Variants in OSBPL3 observed in about 807,000 individuals in gnomAD.
OSBPL3 encodes the protein oxysterol-binding protein-related protein 3.
OSBPL3 carries 65 observed loss-of-function variants against 120.1 expected under a neutral mutation model. That is an observed-to-expected ratio of 0.54 (90% CI 0.44 to 0.67). The LOEUF is 0.67. OSBPL3 is among the 30% of genes least tolerant of loss of function. OSBPL3 has a pLI of 0.00. For synonymous variants in OSBPL3, 416 were observed against 402.6 expected (o/e 1.03, Z -0.40); for missense variants, 1,004 against 1,082.1 (o/e 0.93, Z 1.01).
chr7:24,911,926 G>C (rs2128420067), intron 1 of OSBPL3, among the ~76,000 whole-genome samples: 1 of 152,298 alleles, frequency 6.6e-6, no homozygotes, highest in South Asian at 2.1e-4. Context: ...AGAGCTAAAA[G>C]GCAAGAAAAA....
intron 2 of OSBPL3, among the ~76,000 whole-genome samples, chr7:24,882,680 T>A (rs1402048110): frequency 5.3e-5 from 8 of 152,260 alleles, no homozygotes; most frequent in African/African-American, 1.9e-4. Context: ...GAGGCTGTAC[T>A]AATTTACATT....
chr7:24,814,231 T>TGGGGAAAAAGAGG, intron 19 of OSBPL3, among the ~76,000 whole-genome samples: 1 of 151,102 alleles, frequency 6.6e-6, no homozygotes, highest in Admixed American at 6.6e-5. Context: ...CAGAGGACAG[T>TGGGGAAAAAGAGG]GGGGAAAAAG....
intron 1 of OSBPL3, among the ~76,000 whole-genome samples, chr7:24,909,483 C>T (rs1010218119): frequency 1.3e-5 from 2 of 152,122 alleles, no homozygotes; most frequent in Non-Finnish European, 2.9e-5. Context: ...TGTCACCATG[C>T]CAGCCAAGGA....
rs1426813503 is a variant in OSBPL3 at position 24,936,446 on chromosome 7, A to T, written c.-150+43440T>A. On this transcript the variant is annotated intron_variant, in intron 1 of 22. Coordinates refer to ENST00000313367, the MANE Select transcript of OSBPL3 (RefSeq NM_015550.4). The surrounding 1 kb of genome is among the most constrained non-coding windows in gnomAD (Gnocchi z 4.2). ...TTAACAAGGTCAAAACTGCAATGCA[A>T]TACAATGGGCCAAGTTCTTAACACC... Among the ~76,000 whole-genome samples the T allele has an allele frequency of 6.6e-6, 1 of 152,250 alleles. No individual in the cohort carries two copies. The highest frequency in any genetic ancestry group is 1.5e-5 in the Non-Finnish European group (1 of 68,048).
At chr7:24,961,328 T>A (rs942605880) in intron 1 of OSBPL3, among the ~76,000 whole-genome samples, 2 of 152,180 alleles carry the variant, frequency 1.3e-5, no homozygotes, top group Non-Finnish European at 2.9e-5. Flanking sequence ...AGGCTCACCA[T>A]GATCTAGCCA....
At chr7:24,954,701 T>C (rs925038652) in intron 1 of OSBPL3, among the ~76,000 whole-genome samples, 23 of 152,190 alleles carry the variant, frequency 1.5e-4, no homozygotes, top group African/African-American at 4.8e-4. Flanking sequence ...GAATTAAAGA[T>C]GTGGACCCTA....
intron 12 of OSBPL3, among the ~76,000 whole-genome samples, chr7:24,847,207 A>G (rs1237775578): frequency 6.6e-6 from 1 of 152,110 alleles, no homozygotes; most frequent in Admixed American, 6.6e-5. Flanking sequence ...GGAGTTACCG[A>G]AAAAAAATTA....
rs1376690635 is a variant in OSBPL3, at chr7:24,953,314, C to G, written c.-150+26572G>C. Reference sequence around the variant, plus strand: ...TGCCAAGGAGTAAGCCCCATCTTTCCTAACCAAGCAACTCTTCCCTGGGGT... The same window carrying G: ...TGCCAAGGAGTAAGCCCCATCTTTCGTAACCAAGCAACTCTTCCCTGGGGT... On this transcript the variant is annotated intron_variant, in intron 1 of 22. Transcript: ENST00000313367. This position sits in a 1 kb window ranked among gnomAD's most constrained non-coding sequence, Gnocchi z 4.3. Among the ~76,000 whole-genome samples the G allele has an allele frequency of 6.6e-6, 1 of 152,116 alleles. No individual in the cohort carries two copies. The highest frequency in any genetic ancestry group is 1.5e-5 in the Non-Finnish European group (1 of 68,022).
At chr7:24,869,909 T>C (rs1027640406) in intron 5 of OSBPL3, among the ~76,000 whole-genome samples, 2 of 152,166 alleles carry the variant, frequency 1.3e-5, no homozygotes, top group Non-Finnish European at 2.9e-5. Flanking sequence ...CTCAAGTAAT[T>C]TGCCCAAGTA....
At chr7:24,832,529 A>AAG (rs1796521722) in intron 15 of OSBPL3, among the ~76,000 whole-genome samples, 3 of 150,948 alleles carry the variant, frequency 2.0e-5, no homozygotes, top group African/African-American at 4.9e-5. Context: ...AAAAAAAAAA[A>AAG]AAGAAGAAGA....
rs779015532 is a variant in OSBPL3, at chr7:24,938,783, G to GTGTGTCTC, written c.-150+41102_-150+41103insGAGACACA. On this transcript the variant is annotated intron_variant, in intron 1 of 22. Coordinates refer to ENST00000313367, the MANE Select transcript of OSBPL3 (RefSeq NM_015550.4). This position sits in a 1 kb window ranked among gnomAD's most constrained non-coding sequence, Gnocchi z 5.8. The stretch of plus-strand genomic sequence containing the variant: ...GAATAATGAGGTTTTGTTTTGATGT[G>GTGTGTCTC]TGTGTGTGTGTGTGTGTGTGTGTGT... Among the ~76,000 whole-genome samples, 2 of 79,750 alleles carry GTGTGTCTC rather than the reference G, an allele frequency of 2.5e-5. No homozygotes were observed. Among genetic ancestry groups the GTGTGTCTC allele is most frequent in the African/African-American group, 8.9e-5 (2 of 22,460 alleles). The allele number at this position is 79,750 out of a possible 152,430, so 52.3% of individuals were successfully genotyped here.
chr7:24,941,528 T>C lies in OSBPL3; in HGVS notation c.-150+38358A>G, dbSNP rs145253555. 2.8e-4 allele frequency among the ~76,000 whole-genome samples: 43 copies of C among 152,286 alleles called. No homozygotes were observed. In the Middle Eastern group the frequency reaches 0.01, roughly 36 times the overall value. ...CACACAGTTGCCAAATGAATCCTCC[T>C]AAAGCATCTCTTTGAATACTCCTCT... On this transcript the variant is annotated intron_variant, in intron 1 of 22. Transcript: ENST00000313367.
rs1307501461 is a variant in OSBPL3 at position 24,850,354 on chromosome 7, CCTGA to C, written c.1159-1182_1159-1179del. On this transcript the variant is annotated intron_variant, in intron 11 of 22. Coordinates refer to ENST00000313367, the MANE Select transcript of OSBPL3 (RefSeq NM_015550.4). ...TGTCTGTGGAAGGGGGACAAGTTCT[CCTGA>C]CTGTCTTCCCAGACACTCACACGAT... Among the ~76,000 whole-genome samples, 7 of 152,220 alleles carry C rather than the reference CCTGA, an allele frequency of 4.6e-5. No individual in the cohort carries two copies. The East Asian group carries it at 1.3e-3, about 29-fold the overall frequency.
In OSBPL3 at chr7:24,814,173, C is replaced by G. The variant is rs186908204; in HGVS notation, c.2172+886G>C. On this transcript the variant is annotated intron_variant, in intron 19 of 22. Transcript: ENST00000313367. Reference sequence around the variant, plus strand: ...TGGTGATGGAAGGATCTGGGGACAGCTGCCCAAGCAGAAGGAAATGAAGAA... The same window carrying G: ...TGGTGATGGAAGGATCTGGGGACAGGTGCCCAAGCAGAAGGAAATGAAGAA... Among the ~76,000 whole-genome samples the G allele has an allele frequency of 8.5e-5, 13 of 152,080 alleles. No individual in the cohort carries two copies. In the East Asian group the frequency reaches 2.5e-3, roughly 29 times the overall value.
intron 1 of OSBPL3, among the ~76,000 whole-genome samples, chr7:24,976,162 A>C (rs1042118869): frequency 6.6e-6 from 1 of 152,194 alleles, no homozygotes; most frequent in African/African-American, 2.4e-5. Context: ...TGGAGACTGG[A>C]GATATAATAA....
intron 1 of OSBPL3, among the ~76,000 whole-genome samples, chr7:24,915,053 A>G (rs1228568380): frequency 6.6e-6 from 1 of 152,238 alleles, no homozygotes; most frequent in Non-Finnish European, 1.5e-5. Flanking sequence ...ACTTTCTACT[A>G]TCTTCAGATG....
intron 1 of OSBPL3, among the ~76,000 whole-genome samples, chr7:24,926,337 A>G (rs761471466): frequency 2.0e-5 from 3 of 152,218 alleles, no homozygotes; most frequent in Non-Finnish European, 4.4e-5. Context: ...TCCATGGACA[A>G]TGTAAAGAAA....
chr7:24,975,586 T>G (rs114245520), intron 1 of OSBPL3, among the ~76,000 whole-genome samples: 2 of 152,184 alleles, frequency 1.3e-5, no homozygotes, highest in African/African-American at 4.8e-5. Flanking sequence ...ATGTGAGGAA[T>G]AGAAACCTAA....
At position 24,834,392 on chromosome 7, in the gene OSBPL3, GGGAACA is replaced by G; in HGVS notation, c.1746+88_1746+93del. The G allele has an allele frequency of 6.6e-7, 1 of 1,520,938 alleles. No homozygotes were observed. The highest frequency in any genetic ancestry group is 8.8e-7 in the Non-Finnish European group (1 of 1,135,816). The allele number at this position is 1,520,938 out of a possible 1,614,324, so 94.2% of individuals were successfully genotyped here. A position where few individuals can be genotyped will look rare whatever the true frequency, so the allele number is the denominator to read the frequency against. ...ACGGAACAATCAAAATGAAACCGGA[GGGAACA>G]GGGGCTGTCTCTCTGATGGGCCCCG... On this transcript the variant is annotated intron_variant, in intron 15 of 22. Coordinates refer to ENST00000313367, the MANE Select transcript of OSBPL3 (RefSeq NM_015550.4). This position sits in a 1 kb window ranked among gnomAD's most constrained non-coding sequence, Gnocchi z 5.2.
Sources: gnomAD v4.1 joint callset for allele counts (sites outside exome capture counted in the v4.1 genomes callset) on GRCh38, gnomAD v4.1.1 for gene constraint, Gnocchi (gnomAD v3.1) non-coding constraint, MANE v1.5 for transcripts, NCBI Gene and HGNC (gene_info 2026-07-23, HGNC 2026-07-21) for gene names.